Variants in PGBD5 observed in about 807,000 individuals in gnomAD.
The protein encoded by PGBD5 is piggyBac transposable element derived 5.
A neutral mutation model predicts 47.9 loss-of-function variants in PGBD5; 14 were observed. That is an observed-to-expected ratio of 0.29 (90% CI 0.19 to 0.46). The LOEUF is 0.46. Among genes scored for constraint, PGBD5 ranks in the 20% least tolerant of loss-of-function variants. PGBD5 has a pLI of 1.00. For missense variants in PGBD5, 635 were observed against 716.0 expected, an observed-to-expected ratio of 0.89 and a Z score of 1.29; for synonymous variants, 316 against 306.3, an observed-to-expected ratio of 1.03 and a Z score of -0.33.
At chr1:230,411,259 G>A (rs1220154096) in intron 1 of PGBD5, among the ~76,000 whole-genome samples, 2 of 152,182 alleles carry the variant, frequency 1.3e-5, no homozygotes, top group African/African-American at 4.8e-5. Flanking sequence ...CTCCAGCCTG[G>A]GCAACAGAGC....
intron 4 of PGBD5, 56 bp from the exon 5 acceptor site, chr1:230,333,097 C>T: frequency 1.3e-6 from 2 of 1,523,376 alleles, no homozygotes; most frequent in South Asian, 1.2e-5. Context: ...ATGCCGGCGG[C>T]TCCTCCGCCC....
Position 230,425,482 on chromosome 1 carries a change from G to A in PGBD5, c.331+116C>T, listed in dbSNP as rs1657755030. ...TCCTGCAGCCTCATTTGTTTCCGGAGAGACACCCACAAGCCAGCCCACGGA... is the reference window on the plus strand; with the variant it reads ...TCCTGCAGCCTCATTTGTTTCCGGAAAGACACCCACAAGCCAGCCCACGGA... On this transcript the variant is annotated intron_variant, in intron 1 of 6. Coordinates refer to ENST00000391860, the MANE Select transcript of PGBD5 (RefSeq NM_001258311.2). The surrounding 1 kb of genome is among the most constrained non-coding windows in gnomAD (Gnocchi z 4.7). The A allele has an allele frequency of 2.6e-6, 2 of 765,448 alleles. No homozygotes were observed. Among genetic ancestry groups the A allele is most frequent in the Admixed American group, 4.5e-5 (1 of 22,068 alleles). 47.4% of individuals were successfully genotyped at this position (765,448 alleles called of 1,614,324 possible). A position where few individuals can be genotyped will look rare whatever the true frequency, so the allele number is the denominator to read the frequency against.
rs1667825176 is a variant in PGBD5, at chr1:230,365,965, C to T, written c.332-8644G>A. Among the ~76,000 whole-genome samples the T allele has an allele frequency of 2.6e-5, 4 of 152,232 alleles. No homozygotes were observed. In the South Asian group the frequency reaches 8.3e-4, roughly 32 times the overall value. ...CAAGATAACAACACAGGAAGGGTTG[C>T]AAACATTGTGCCTAGCACAGGGATG... On this transcript the variant is annotated intron_variant, in intron 1 of 6. Transcript: ENST00000391860.
At chr1:230,418,010 C>A (rs1657555616) in intron 1 of PGBD5, among the ~76,000 whole-genome samples, 1 of 152,200 alleles carries the variant, frequency 6.6e-6, no homozygotes, top group Non-Finnish European at 1.5e-5. Flanking sequence ...CTGTTTGCTA[C>A]AACTGGGGAG....
At chr1:230,396,251 A>T (rs1215569124) in intron 1 of PGBD5, among the ~76,000 whole-genome samples, 1 of 6,768 alleles carries the variant, frequency 1.5e-4, no homozygotes, top group Non-Finnish European at 2.6e-4. Flanking sequence ...CCTCCCTTTT[A>T]CCCCCACACT....
intron 1 of PGBD5, among the ~76,000 whole-genome samples, chr1:230,420,928 C>A (rs1657633160): frequency 6.6e-6 from 1 of 152,124 alleles, no homozygotes; most frequent in African/African-American, 2.4e-5. Flanking sequence ...ACCTTCAGTC[C>A]CAGCTACTCA....
chr1:230,390,300 G>T (rs1571853814), intron 1 of PGBD5, among the ~76,000 whole-genome samples: 1 of 151,880 alleles, frequency 6.6e-6, no homozygotes, highest in African/African-American at 2.4e-5. Context: ...ATGCCTTTGG[G>T]TCTACACAGC....
intron 3 of PGBD5, among the ~76,000 whole-genome samples, chr1:230,348,035 G>A (rs1667502377): frequency 6.6e-6 from 1 of 152,170 alleles, no homozygotes; most frequent in African/African-American, 2.4e-5. Context: ...CTCAGAAACA[G>A]GAGGGCGTGG....
intron 1 of PGBD5, among the ~76,000 whole-genome samples, chr1:230,415,858 A>G (rs1259497028): frequency 2.6e-5 from 4 of 152,110 alleles, no homozygotes; most frequent in Non-Finnish European, 5.9e-5. Context: ...TTCCACACTC[A>G]TTGCTCTAAT....
At chr1:230,363,549 T>C (rs1667783088) in intron 1 of PGBD5, among the ~76,000 whole-genome samples, 1 of 151,466 alleles carries the variant, frequency 6.6e-6, no homozygotes, top group East Asian at 1.9e-4. Flanking sequence ...ACCACTGCAC[T>C]CCAGCCTGGG....
chr1:230,377,625 T>G, intron 1 of PGBD5: 1 of 1,517,560 alleles, frequency 6.6e-7, no homozygotes, highest in Non-Finnish European at 8.8e-7. Flanking sequence ...CAGGCATATC[T>G]GACCTACCGA....
intron 1 of PGBD5, among the ~76,000 whole-genome samples, chr1:230,361,599 G>A (rs1667743233): frequency 6.6e-6 from 1 of 152,204 alleles, no homozygotes; most frequent in Admixed American, 6.5e-5. Flanking sequence ...CTGTTCCCAA[G>A]AGAGGAAACA....
intron 1 of PGBD5, among the ~76,000 whole-genome samples, chr1:230,365,408 G>A (rs1667811711): frequency 6.6e-6 from 1 of 151,858 alleles, no homozygotes; most frequent in Non-Finnish European, 1.5e-5. Context: ...GGACAGAAAA[G>A]GGGTGACAAT....
chr1:230,339,874 G>A lies in PGBD5; in HGVS notation c.895-2586C>T, dbSNP rs368286812. Among the ~76,000 whole-genome samples the A allele has an allele frequency of 1.1e-4, 17 of 152,268 alleles. No homozygotes were observed. In the East Asian group the frequency reaches 3.1e-3, roughly 28 times the overall value. On this transcript the variant is annotated intron_variant, in intron 3 of 6. Coordinates refer to ENST00000391860, the MANE Select transcript of PGBD5 (RefSeq NM_001258311.2). ...TGGGAGTGGGGAGGTATTGGTCAAAGAATTCAAAATCTGTTAGATAGGAGG... is the reference window on the plus strand; with the variant it reads ...TGGGAGTGGGGAGGTATTGGTCAAAAAATTCAAAATCTGTTAGATAGGAGG...
At chr1:230,418,302 G>T (rs1429183168) in intron 1 of PGBD5, among the ~76,000 whole-genome samples, 1 of 152,144 alleles carries the variant, frequency 6.6e-6, no homozygotes, top group East Asian at 1.9e-4. Context: ...AGGACACCAG[G>T]TAAATAAACT....
chr1:230,368,153 G>A, intron 1 of PGBD5: 1 of 1,367,404 alleles, frequency 7.3e-7, no homozygotes, highest in Non-Finnish European at 9.8e-7. Flanking sequence ...GGCTGCGGAG[G>A]AGGAATAAGG....
chr1:230,386,427 C>A (rs1656639870), intron 1 of PGBD5, among the ~76,000 whole-genome samples: 2 of 152,122 alleles, frequency 1.3e-5, no homozygotes, highest in African/African-American at 4.8e-5. Context: ...TACCAAATGT[C>A]TCTGCCTCTC....
chr1:230,422,061 G>C (rs995107680), intron 1 of PGBD5, among the ~76,000 whole-genome samples: 1 of 152,084 alleles, frequency 6.6e-6, no homozygotes, highest in Non-Finnish European at 1.5e-5. Context: ...TGAATGATTA[G>C]AGGGTTGCTG....
At chr1:230,338,837 A>G (rs574201938) in intron 3 of PGBD5, among the ~76,000 whole-genome samples, 1 of 152,246 alleles carries the variant, frequency 6.6e-6, no homozygotes, top group South Asian at 2.1e-4. Context: ...AAAAGAAAAA[A>G]AAGCCCGCAA....
Sources: allele counts gnomAD v4.1 joint callset (sites outside exome capture counted in the v4.1 genomes callset), GRCh38; gene constraint gnomAD v4.1.1; non-coding constraint Gnocchi (gnomAD v3.1); transcripts MANE v1.5; gene names NCBI Gene and HGNC (gene_info 2026-07-23, HGNC 2026-07-21).